Variants in TMEM266 observed in about 807,000 individuals in gnomAD.
TMEM266 encodes Hv1 related protein 1.
TMEM266 carries 33 observed loss-of-function variants against 50.5 expected under a neutral mutation model. That is an observed-to-expected ratio of 0.65 (90% confidence interval 0.50 to 0.87). TMEM266 has a LOEUF of 0.87. Ranked by LOEUF, TMEM266 falls within the 40% of genes least tolerant of loss-of-function variation. The pLI is 0.00. For missense variants in TMEM266, 655 were observed against 695.1 expected, an observed-to-expected ratio of 0.94 and a Z score of 0.65; for synonymous variants, 310 against 292.3, an observed-to-expected ratio of 1.06 and a Z score of -0.62.
At chr15:76,120,654 A>G (rs2037326710) in intron 1 of TMEM266, among the ~76,000 whole-genome samples, 1 of 150,672 alleles carries the variant, frequency 6.6e-6, no homozygotes, top group African/African-American at 2.4e-5. Flanking sequence ...CCAGCTACTC[A>G]GGAGGCTGAG....
At chr15:76,119,541 C>T (rs1005708550) in intron 1 of TMEM266, among the ~76,000 whole-genome samples, 2 of 151,816 alleles carry the variant, frequency 1.3e-5, no homozygotes, top group East Asian at 1.9e-4. Context: ...CTGAGGTGGG[C>T]GGATCACTTG....
At chr15:76,134,861 CAT>C (rs969086365) in intron 2 of TMEM266, among the ~76,000 whole-genome samples, 2 of 152,210 alleles carry the variant, frequency 1.3e-5, no homozygotes, top group African/African-American at 4.8e-5. Context: ...TTATTGCTCA[CAT>C]GTCTGGGGTA....
intron 9 of TMEM266, among the ~76,000 whole-genome samples, chr15:76,200,798 G>A (rs2038733959): frequency 6.6e-6 from 1 of 152,006 alleles, no homozygotes; most frequent in Non-Finnish European, 1.5e-5. Flanking sequence ...GCTGGCTGAT[G>A]AGGAGCAGGG....
chr15:76,079,327 T>C (rs2036649987), intron 1 of TMEM266, among the ~76,000 whole-genome samples: 1 of 142,642 alleles, frequency 7.0e-6, no homozygotes, highest in Non-Finnish European at 1.5e-5. Flanking sequence ...CACTCCAGCC[T>C]GGGCAACAGA....
At chr15:76,124,960 G>A (rs2037397628) in intron 1 of TMEM266, among the ~76,000 whole-genome samples, 1 of 152,164 alleles carries the variant, frequency 6.6e-6, no homozygotes, top group African/African-American at 2.4e-5. Flanking sequence ...CAAAGCTATT[G>A]TAATCAAAAC....
At chr15:76,068,963 C>T (rs182813515) in intron 1 of TMEM266, among the ~76,000 whole-genome samples, 1 of 152,258 alleles carries the variant, frequency 6.6e-6, no homozygotes, top group African/African-American at 2.4e-5. Flanking sequence ...GCCCAGTGTA[C>T]ATTCTCCTTC....
chr15:76,102,910 A>G (rs914671913), intron 1 of TMEM266, among the ~76,000 whole-genome samples: 2 of 151,544 alleles, frequency 1.3e-5, no homozygotes, highest in Admixed American at 6.6e-5. Flanking sequence ...AGGTGGGAGA[A>G]GCTGGCGAGG....
chr15:76,179,822 C>T (rs574868374), intron 8 of TMEM266, among the ~76,000 whole-genome samples: 1 of 152,262 alleles, frequency 6.6e-6, no homozygotes, highest in East Asian at 1.9e-4. Flanking sequence ...GGCGCGATGG[C>T]TCACACCTGT....
intron 3 of TMEM266, among the ~76,000 whole-genome samples, chr15:76,147,130 G>A (rs1407415151): frequency 6.6e-6 from 1 of 152,244 alleles, no homozygotes; most frequent in Non-Finnish European, 1.5e-5. Context: ...TGGAGTCGAG[G>A]AAGAGCTGCA....
chr15:76,111,083 CTTT>C (rs34754489), intron 1 of TMEM266, among the ~76,000 whole-genome samples: 1 of 144,002 alleles, frequency 6.9e-6, no homozygotes. Context: ...TTCGCAGTTT[CTTT>C]TTTTTTTTTT....
At position 76,191,983 on chromosome 15, in the gene TMEM266, C is replaced by A; in HGVS notation, c.784C>A (p.Leu262Met). ...CCCTCCGCAGTTTGAGATCCGGCAG[C>A]TGCGCGCGCACCTGGCGCAGCAGGA... The change falls in exon 9 of 11, where the codon CTG (leucine) becomes ATG (methionine). Residue 262 changes from leucine (L) to methionine (M), a missense_variant. By Grantham distance (15) the Leu-to-Met change is conservative (BLOSUM62 2). Coordinates refer to ENST00000388942, the MANE Select transcript of TMEM266 (RefSeq NM_152335.3). 6.3e-7 allele frequency: 1 copy of A among 1,583,240 alleles called. No homozygotes were observed.
At chr15:76,136,694 G>T (rs2037594030) in intron 2 of TMEM266, among the ~76,000 whole-genome samples, 1 of 152,180 alleles carries the variant, frequency 6.6e-6, no homozygotes, top group Admixed American at 6.5e-5. Context: ...ATGAGATAGG[G>T]TCAAGGACAT....
intron 4 of TMEM266, among the ~76,000 whole-genome samples, chr15:76,159,102 T>C (rs1448360606): frequency 6.6e-6 from 1 of 152,182 alleles, no homozygotes; most frequent in African/African-American, 2.4e-5. Flanking sequence ...CTCAGCAGCA[T>C]TCCTGCCTCT....
intron 1 of TMEM266, among the ~76,000 whole-genome samples, chr15:76,129,182 G>T (rs2037467167): frequency 6.6e-6 from 1 of 152,092 alleles, no homozygotes; most frequent in Non-Finnish European, 1.5e-5. Context: ...ATTATCAATG[G>T]CTGTTAGTAT....
At chr15:76,109,530 C>G (rs1395467797) in intron 1 of TMEM266, among the ~76,000 whole-genome samples, 2 of 152,200 alleles carry the variant, frequency 1.3e-5, no homozygotes, top group Non-Finnish European at 2.9e-5. Flanking sequence ...GGTGCAGTGG[C>G]TCATGCCTGG....
intron 9 of TMEM266, among the ~76,000 whole-genome samples, chr15:76,198,872 CAGACTCACGCCTTA>C (rs2038696669): frequency 6.6e-6 from 1 of 152,282 alleles, no homozygotes; most frequent in African/African-American, 2.4e-5. Context: ...GCCTGGCTCT[CAGACTCACGCCTTA>C]AAGCTCACTC....
In TMEM266 at chr15:76,160,244, G is replaced by A. The variant is rs1254127364; in HGVS notation, c.456+76G>A. ...CTGGGGAAACCAAGGTCTACTTCTC[G>A]AAATGGTTTCTAGCATCAGGTCCCC... On this transcript the variant is annotated intron_variant, in intron 5 of 10. Coordinates refer to ENST00000388942, the MANE Select transcript of TMEM266 (RefSeq NM_152335.3). The surrounding 1 kb of genome is among the most constrained non-coding windows in gnomAD (Gnocchi z 5.7). 21 of 1,435,508 alleles carry A rather than the reference G, an allele frequency of 1.5e-5. No homozygotes were observed. The East Asian group carries it at 3.4e-4, about 23-fold the overall frequency. The allele number at this position is 1,435,508 out of a possible 1,614,324, so 88.9% of individuals were successfully genotyped here.
chr15:76,085,062 G>C lies in TMEM266; in HGVS notation c.-97+25046G>C, dbSNP rs1268292905. ...ACAAGCTCCGCCTCCCAGGTTCACG[G>C]CATTCTCCTGCCTCAGCCTCCTGAG... On this transcript the variant is annotated intron_variant, in intron 1 of 10. Transcript: ENST00000388942. Among the ~76,000 whole-genome samples the C allele has an allele frequency of 3.3e-5, 5 of 149,706 alleles. No individual in the cohort carries two copies. In the South Asian group the frequency reaches 8.5e-4, roughly 26 times the overall value.
At position 76,198,316 on chromosome 15, in the gene TMEM266, CA is replaced by C. The variant is rs200887565; in HGVS notation, c.959-3885del. 4.6e-5 allele frequency among the ~76,000 whole-genome samples: 7 copies of C among 152,298 alleles called. No homozygotes were observed. In the East Asian group the frequency reaches 1.4e-3, roughly 29 times the overall value. On this transcript the variant is annotated intron_variant, in intron 9 of 10. Coordinates refer to ENST00000388942, the MANE Select transcript of TMEM266 (RefSeq NM_152335.3). ...CTGCCCCTCCACGGACTGCACAGCA[CA>C]GTCCCTTGGGGGTTCTTCCTGTGTG...
Sources: allele counts gnomAD v4.1 joint callset (sites outside exome capture counted in the v4.1 genomes callset), GRCh38; gene constraint gnomAD v4.1.1; non-coding constraint Gnocchi (gnomAD v3.1); transcripts MANE v1.5; gene names NCBI Gene and HGNC (gene_info 2026-07-23, HGNC 2026-07-21).